Variants in ANKRD28 observed in about 807,000 individuals in gnomAD.
ANKRD28 encodes serine/threonine-protein phosphatase 6 regulatory ankyrin repeat subunit A.
In ANKRD28, 44 loss-of-function variants were observed where a neutral mutation model predicts 126.5. The ratio of observed to expected loss-of-function variants is 0.35; its 90% confidence interval spans 0.27 to 0.45. The LOEUF (loss-of-function observed/expected upper bound fraction) is 0.45. Among genes scored for constraint, ANKRD28 ranks in the 20% least tolerant of loss-of-function variants. The probability of loss-of-function intolerance (pLI) is 1.00; values close to 1 mark genes in which losing one functional copy is unlikely to be tolerated. For synonymous variants in ANKRD28, 442 were observed against 468.5 expected (o/e 0.94, Z 0.73); for missense variants, 1,110 against 1,316.6 (o/e 0.84, Z 2.43).
intron 1 of ANKRD28, among the ~76,000 whole-genome samples, chr3:15,803,669 A>AGC (rs1324881926): frequency 5.4e-4 from 79 of 146,844 alleles, no homozygotes; most frequent in East Asian, 1.1e-3. Flanking sequence ...AGGACATGTT[A>AGC]ATAGACTGGC....
In ANKRD28 at chr3:15,781,095, GA is replaced by G. The variant is rs574506991; in HGVS notation, c.201+14127del. 1.9e-3 allele frequency among the ~76,000 whole-genome samples: 250 copies of G among 132,584 alleles called. 3 individuals are homozygous for G. The East Asian group carries it at 0.031, about 16-fold the overall frequency. The allele number at this position is 132,584 out of a possible 152,430, so 87.0% of individuals were successfully genotyped here. A position where few individuals can be genotyped will look rare whatever the true frequency, so the allele number is the denominator to read the frequency against. ...CATTAAATGAAAAAGCTTTTGCACA[GA>G]AAAAAAAAAAATCACATGTATATAT... On this transcript the variant is annotated intron_variant, in intron 2 of 27. Coordinates refer to ENST00000683139, the MANE Select transcript of ANKRD28 (RefSeq NM_001349278.2).
At chr3:15,738,604 T>A (rs568178018) in intron 4 of ANKRD28, 1 of 152,206 alleles carries the variant, frequency 6.6e-6, no homozygotes, top group African/African-American at 2.4e-5. Context: ...TGGGCTGTAG[T>A]GCGCTATGCC....
intron 2 of ANKRD28, chr3:15,781,794 CCT>C (rs2059549869): frequency 1.3e-5 from 2 of 151,868 alleles, no homozygotes; most frequent in South Asian, 4.2e-4. Flanking sequence ...TTTTTAATTC[CCT>C]GTGAGTTTAG....
chr3:15,754,165 A>G (rs1402199774), intron 3 of ANKRD28, among the ~76,000 whole-genome samples: 1 of 152,200 alleles, frequency 6.6e-6, no homozygotes, highest in Non-Finnish European at 1.5e-5. Context: ...TATTAAAGGG[A>G]AAATTCCAGA....
At chr3:15,677,690 A>G in intron 24 of ANKRD28, 128 bp from the exon 25 acceptor site, 1 of 558,544 alleles carries the variant, frequency 1.8e-6, no homozygotes. Flanking sequence ...GTACAAGAAA[A>G]ATATTGTAAT....
intron 3 of ANKRD28, among the ~76,000 whole-genome samples, chr3:15,763,138 T>C (rs1457327682): frequency 6.6e-6 from 1 of 152,224 alleles, no homozygotes; most frequent in Non-Finnish European, 1.5e-5. Flanking sequence ...TCCAAACCCA[T>C]GTAAGTTTTT....
At chr3:15,764,641 T>C (rs1420424342) in intron 3 of ANKRD28, among the ~76,000 whole-genome samples, 3 of 152,260 alleles carry the variant, frequency 2.0e-5, no homozygotes, top group Non-Finnish European at 2.9e-5. Flanking sequence ...AATGCAGCAG[T>C]AGACTTCTTA....
chr3:15,825,915 C>T (rs1225741796), intron 1 of ANKRD28, among the ~76,000 whole-genome samples: 7 of 151,926 alleles, frequency 4.6e-5, no homozygotes, highest in Non-Finnish European at 7.4e-5. Context: ...ATCAGAATGC[C>T]AAAATGAAAG....
chr3:15,810,356 T>G (rs887192109), intron 1 of ANKRD28, among the ~76,000 whole-genome samples: 1 of 151,916 alleles, frequency 6.6e-6, no homozygotes, highest in Admixed American at 6.5e-5. Context: ...TTGTAGGAAC[T>G]GAGACATAAG....
intron 6 of ANKRD28, among the ~76,000 whole-genome samples, chr3:15,731,626 A>T (rs2074602576): frequency 6.6e-6 from 1 of 152,104 alleles, no homozygotes; most frequent in Non-Finnish European, 1.5e-5. Context: ...AGCTTTAAAA[A>T]TAGGGACATT....
intron 8 of ANKRD28, among the ~76,000 whole-genome samples, chr3:15,720,020 C>T (rs2073528039): frequency 6.6e-6 from 1 of 152,062 alleles, no homozygotes; most frequent in Non-Finnish European, 1.5e-5. Context: ...CAAGCATGAG[C>T]CACCATGCCA....
intron 2 of ANKRD28, among the ~76,000 whole-genome samples, chr3:15,770,626 A>G (rs553995690): frequency 2.0e-5 from 3 of 152,300 alleles, no homozygotes; most frequent in South Asian, 4.1e-4. Flanking sequence ...TTCTCTGCAC[A>G]TGAGCTGCTT....
In ANKRD28 at chr3:15,679,335, C is replaced by T; in HGVS notation, c.2527G>A (p.Ala843Thr). Residue 843 changes from alanine to threonine, a missense_variant, in exon 23 of 28, where the codon GCC becomes ACC. Physicochemically the swap from Ala to Thr is moderately conservative, Grantham distance 58. Transcript: ENST00000683139. ...GAATCTGTGGCGTTCACAATGCTGG[C>T]ACCTAATGTATCAATTAACATCTCA... Reference protein sequence around the residue: ...AAEMLIDTLGASIVNATDSKG... With the variant: ...AAEMLIDTLGTSIVNATDSKG... The T allele has an allele frequency of 1.2e-6, 2 of 1,613,962 alleles. No homozygotes were observed. Among genetic ancestry groups the T allele is most frequent in the Non-Finnish European group, 1.7e-6 (2 of 1,179,878 alleles).
intron 13 of ANKRD28, among the ~76,000 whole-genome samples, chr3:15,708,630 T>G (rs1457106624): frequency 2.0e-5 from 3 of 152,178 alleles, no homozygotes; most frequent in Admixed American, 6.5e-5. Flanking sequence ...GATTAAAGTA[T>G]AATTATAAAA....
At chr3:15,735,594 C>T in intron 5 of ANKRD28, 97 bp from the exon 6 acceptor site, 1 of 921,104 alleles carries the variant, frequency 1.1e-6, no homozygotes, top group Admixed American at 2.5e-5. Context: ...TTCTCTGGCA[C>T]TAAATTTCTG....
intron 1 of ANKRD28, among the ~76,000 whole-genome samples, chr3:15,840,818 AG>A (rs2061411807): frequency 6.6e-6 from 1 of 152,218 alleles, no homozygotes; most frequent in Non-Finnish European, 1.5e-5. Flanking sequence ...AAATGGTGCC[AG>A]GAAAACTGGA....
Position 15,796,649 on chromosome 3 carries a change from T to TTG in ANKRD28, c.-129_-128insCA. 6.0e-6 allele frequency: 6 copies of TTG among 1,001,038 alleles called. No homozygotes were observed. In the South Asian group the frequency reaches 2.3e-4, roughly 38 times the overall value. 62.0% of individuals were successfully genotyped at this position (1,001,038 alleles called of 1,614,324 possible). A position where few individuals can be genotyped will look rare whatever the true frequency, so the allele number is the denominator to read the frequency against. Reference sequence around the variant, plus strand: ...CTCTGAACAGCACAGCTGGGTTTTTTTTTTTTTTAAAGTTAATAAGTACTA... The same window carrying TTG: ...CTCTGAACAGCACAGCTGGGTTTTTTTGTTTTTTTTAAAGTTAATAAGTACTA... On this transcript the variant is annotated 5_prime_UTR_variant, in exon 1 of 28. Transcript: ENST00000683139.
chr3:15,775,833 A>G (rs1264498721), intron 2 of ANKRD28, among the ~76,000 whole-genome samples: 1 of 152,290 alleles, frequency 6.6e-6, no homozygotes. Context: ...GGGCTTTTAT[A>G]GAGGATTCAT....
intron 6 of ANKRD28, among the ~76,000 whole-genome samples, chr3:15,730,047 G>C (rs1011066403): frequency 6.6e-5 from 10 of 151,948 alleles, no homozygotes; most frequent in African/African-American, 2.4e-4. Context: ...TGTAGAGAGA[G>C]GGTCTCACTA....
Sources: gnomAD v4.1 joint callset for allele counts (sites outside exome capture counted in the v4.1 genomes callset) on GRCh38, gnomAD v4.1.1 for gene constraint, MANE v1.5 for transcripts, NCBI Gene and HGNC (gene_info 2026-07-23, HGNC 2026-07-21) for gene names.